The following NFAT5 variants were observed in gnomAD, a reference collection of about 807,000 sequenced individuals.
NFAT5 encodes the protein nuclear factor of activated T-cells 5.
A neutral mutation model predicts 166.5 loss-of-function variants in NFAT5; 31 were observed. The observed-to-expected ratio is 0.19, with a 90% CI of 0.14 to 0.25. NFAT5 has a LOEUF of 0.25. Ranked by LOEUF, NFAT5 falls within the 10% of genes least tolerant of loss-of-function variation. NFAT5 has a pLI of 1.00. For synonymous variants in NFAT5, 612 were observed against 639.7 expected, an observed-to-expected ratio of 0.96 and a Z score of 0.65; for missense variants, 1,449 against 1,821.8, an observed-to-expected ratio of 0.80 and a Z score of 3.72.
At chr16:69,586,544 A>G (rs1003104732) in intron 2 of NFAT5, among the ~76,000 whole-genome samples, 43 of 152,120 alleles carry the variant, frequency 2.8e-4, no homozygotes, top group Middle Eastern at 3.4e-3. Flanking sequence ...CTGGGATTAC[A>G]GGTGCCCACC....
At chr16:69,646,098 C>G (rs1451215667) in intron 3 of NFAT5, among the ~76,000 whole-genome samples, 1 of 152,148 alleles carries the variant, frequency 6.6e-6, no homozygotes, top group Admixed American at 6.6e-5. Context: ...GGAAAATTCC[C>G]TTACTAGTCA....
At chr16:69,603,934 CCAA>C (rs778816927) in intron 2 of NFAT5, among the ~76,000 whole-genome samples, 1 of 152,222 alleles carries the variant, frequency 6.6e-6, no homozygotes, top group South Asian at 2.1e-4. Flanking sequence ...TTAAAAATTT[CCAA>C]CAACATTAAT....
chr16:69,602,512 C>T (rs1388576035), intron 2 of NFAT5, among the ~76,000 whole-genome samples: 1 of 151,768 alleles, frequency 6.6e-6, no homozygotes, highest in Non-Finnish European at 1.5e-5. Flanking sequence ...AGGTGATCCG[C>T]CACCTCAGCC....
chr16:69,624,271 T>C (rs891604665), intron 2 of NFAT5, among the ~76,000 whole-genome samples: 2 of 152,164 alleles, frequency 1.3e-5, no homozygotes, highest in African/African-American at 2.4e-5. Context: ...AATGGCGTGA[T>C]CTCGGCTCAC....
chr16:69,617,500 T>C (rs939175588), intron 2 of NFAT5, among the ~76,000 whole-genome samples: 1 of 151,806 alleles, frequency 6.6e-6, no homozygotes, highest in Non-Finnish European at 1.5e-5. Context: ...CTTTTCTTTT[T>C]TTTTTTTTGA....
intron 10 of NFAT5, among the ~76,000 whole-genome samples, chr16:69,682,664 A>G (rs1242937164): frequency 6.6e-6 from 1 of 152,170 alleles, no homozygotes; most frequent in Admixed American, 6.5e-5. Context: ...AACATGATTT[A>G]TAAGTAGAAA....
In NFAT5 at chr16:69,655,768, G is replaced by A. The variant is rs759928002; in HGVS notation, c.1165G>A (p.Gly389Ser). Residue 389 changes from glycine to serine, a missense_variant, in exon 6 of 15, where the codon GGC becomes AGC. Around this residue, in one of 7 missense-constraint regions of NFAT5, gnomAD observed 245 missense variants for 366.6 expected, o/e 0.67. Transcript: ENST00000349945. The stretch of plus-strand genomic sequence containing the variant: ...TGAAGGCACTACTGTTATAGAAGTC[G>A]GCCTTGATCCTAGCAACAACATGAC... The part of the protein sequence containing the change: ...DIEGTTVIEV[G>S]LDPSNNMTLA... 65 of 1,613,092 alleles carry A rather than the reference G, an allele frequency of 4.0e-5. No homozygotes were observed. Among genetic ancestry groups the A allele is most frequent in the Non-Finnish European group, 5.2e-5 (61 of 1,179,488 alleles).
chr16:69,694,603 ATAGAC>A (rs1287591972), intron 13 of NFAT5, among the ~76,000 whole-genome samples: 3 of 152,188 alleles, frequency 2.0e-5, no homozygotes, highest in Admixed American at 6.5e-5. Flanking sequence ...TCTATCACCT[ATAGAC>A]TATAAGATCT....
At chr16:69,669,736 AC>A (rs1233110494) in intron 7 of NFAT5, among the ~76,000 whole-genome samples, 2 of 152,174 alleles carry the variant, frequency 1.3e-5, no homozygotes, top group Non-Finnish European at 2.9e-5. Flanking sequence ...GGCTCTCAAA[AC>A]TTTCACTTGG....
At chr16:69,684,296 C>T (rs1339735054) in intron 10 of NFAT5, among the ~76,000 whole-genome samples, 2 of 147,738 alleles carry the variant, frequency 1.4e-5, no homozygotes, top group African/African-American at 5.0e-5. Flanking sequence ...CACGGTGGCT[C>T]ACACCTGTAA....
Position 69,652,319 on chromosome 16 carries a change from G to A in NFAT5, c.813-917G>A, listed in dbSNP as rs143098793. 4.0e-3 allele frequency among the ~76,000 whole-genome samples: 612 copies of A among 152,150 alleles called. 2 individuals are homozygous for A. Among genetic ancestry groups the A allele is most frequent in the Middle Eastern group, 0.017 (5 of 294 alleles). On this transcript the variant is annotated intron_variant, in intron 4 of 14. Coordinates refer to ENST00000349945, the MANE Select transcript of NFAT5 (RefSeq NM_138713.4). ...ATATAAAAATTAGCTGGGCTTGGTG[G>A]CACACGCCTGTAATCCCAGCTACTT...
intron 2 of NFAT5, among the ~76,000 whole-genome samples, chr16:69,586,699 G>A (rs2032090149): frequency 6.6e-6 from 1 of 152,082 alleles, no homozygotes; most frequent in South Asian, 2.1e-4. Context: ...CACCATGCCC[G>A]GCCTCGACTG....
At chr16:69,587,878 C>T (rs1324678466) in intron 2 of NFAT5, among the ~76,000 whole-genome samples, 4 of 146,620 alleles carry the variant, frequency 2.7e-5, no homozygotes, top group Non-Finnish European at 4.5e-5. Context: ...TAGCTGTGCA[C>T]AAGTAGATTT....
rs1322298643 is a variant in NFAT5, at chr16:69,647,780, A to C, written c.812+194A>C. On this transcript the variant is annotated intron_variant, in intron 4 of 14. Transcript: ENST00000349945. This position sits in a 1 kb window ranked among gnomAD's most constrained non-coding sequence, Gnocchi z 4.8. ...TAGATAGAAAATAAAATAATCATAGATTCTAGCAATAGATATCTTATTATC... is the reference window on the plus strand; with the variant it reads ...TAGATAGAAAATAAAATAATCATAGCTTCTAGCAATAGATATCTTATTATC... Among the ~76,000 whole-genome samples the C allele has an allele frequency of 6.6e-6, 1 of 152,166 alleles. No individual in the cohort carries two copies. The highest frequency in any genetic ancestry group is 2.4e-5 in the African/African-American group (1 of 41,440).
chr16:69,674,887 GT>G (rs2036770681), intron 9 of NFAT5, among the ~76,000 whole-genome samples: 1 of 152,142 alleles, frequency 6.6e-6, no homozygotes, highest in South Asian at 2.1e-4. Flanking sequence ...AAATTCAATT[GT>G]TTTCCTCTTT....
At position 69,704,549 on chromosome 16, in the gene NFAT5, T is replaced by C. The variant is rs141988532; in HGVS notation, c.*8198T>C. On this transcript the variant is annotated 3_prime_UTR_variant, in exon 15 of 15. Coordinates refer to ENST00000349945, the MANE Select transcript of NFAT5 (RefSeq NM_138713.4). ...TATGTTTTTAGCTATCTGTGATAAC[T>C]TGTTAAATATTAAAAAGATATTTTG... 3.3e-4 allele frequency: 50 copies of C among 152,792 alleles called. No homozygotes were observed. The highest frequency in any genetic ancestry group is 1.1e-3 in the African/African-American group (47 of 41,588). The allele number at this position is 152,792 out of a possible 1,614,324, so 9.5% of individuals were successfully genotyped here.
At chr16:69,621,265 AAC>A (rs1350875962) in intron 2 of NFAT5, among the ~76,000 whole-genome samples, 2 of 152,114 alleles carry the variant, frequency 1.3e-5, no homozygotes, top group East Asian at 1.9e-4. Flanking sequence ...AAAAAAAAAA[AAC>A]AGCTTTATTG....
chr16:69,568,376 GTA>G (rs144294785), intron 1 of NFAT5, 117 bp from the exon 2 acceptor site: 14,893 of 286,206 alleles, frequency 0.052, 462 homozygotes, highest in East Asian at 0.061. Context: ...GTGTGTGTGT[GTA>G]TATATATATA....
chr16:69,655,272 A>G (rs1427954031), intron 5 of NFAT5, among the ~76,000 whole-genome samples: 1 of 152,156 alleles, frequency 6.6e-6, no homozygotes, highest in Non-Finnish European at 1.5e-5. Context: ...TTTTCCCATT[A>G]GTTATGGTGG....
Sources: gnomAD v4.1 joint callset for allele counts (sites outside exome capture counted in the v4.1 genomes callset) on GRCh38, gnomAD v4.1.1 for gene constraint, gnomAD v4.1.1 regional missense constraint, Gnocchi (gnomAD v3.1) non-coding constraint, MANE v1.5 for transcripts, NCBI Gene and HGNC (gene_info 2026-07-23, HGNC 2026-07-21) for gene names.